RELN: variants seen among roughly 807,000 people sequenced by gnomAD.
RELN encodes the protein reelin.
A neutral mutation model predicts 427.6 loss-of-function variants in RELN; 108 were observed. The ratio of observed to expected loss-of-function variants is 0.25; its 90% CI spans 0.22 to 0.30. The LOEUF (loss-of-function observed/expected upper bound fraction) is 0.30. RELN is among the 10% of genes least tolerant of loss of function. RELN has a pLI of 1.00. For synonymous variants in RELN, 1,524 were observed against 1,513.4 expected, an observed-to-expected ratio of 1.01 and a Z score of -0.16; for missense variants, 3,715 against 4,302.8, an observed-to-expected ratio of 0.86 and a Z score of 3.82.
chr7:103,733,865 C>T (rs1291032416), intron 6 of RELN, among the ~76,000 whole-genome samples: 1 of 151,642 alleles, frequency 6.6e-6, no homozygotes, highest in Non-Finnish European at 1.5e-5. Flanking sequence ...GGGTGCAGCG[C>T]ACCAGCATGG....
intron 7 of RELN, among the ~76,000 whole-genome samples, chr7:103,727,904 C>T (rs899854518): frequency 7.4e-5 from 11 of 149,200 alleles, no homozygotes; most frequent in African/African-American, 2.4e-4. Flanking sequence ...TCCATTGATG[C>T]TGACAATTTT....
intron 2 of RELN, among the ~76,000 whole-genome samples, chr7:103,909,956 T>C (rs1360751729): frequency 7.0e-6 from 1 of 143,404 alleles, no homozygotes; most frequent in Non-Finnish European, 1.5e-5. Context: ...CAGAAAGTCA[T>C]TGGTAGCTTG....
At chr7:103,916,218 C>G (rs1295250279) in intron 2 of RELN, among the ~76,000 whole-genome samples, 1 of 151,986 alleles carries the variant, frequency 6.6e-6, no homozygotes, top group Non-Finnish European at 1.5e-5. Context: ...CTTCATATAT[C>G]AAAAGGAGGT....
intron 14 of RELN, among the ~76,000 whole-genome samples, chr7:103,652,014 A>G (rs1372438450): frequency 1.3e-5 from 2 of 152,070 alleles, no homozygotes; most frequent in African/African-American, 2.4e-5. Flanking sequence ...TGTTTCAAAG[A>G]CAACAAATGG....
At chr7:103,529,220 A>G (rs1829888217) in intron 46 of RELN, among the ~76,000 whole-genome samples, 1 of 152,050 alleles carries the variant, frequency 6.6e-6, no homozygotes, top group Admixed American at 6.5e-5. Flanking sequence ...TTCCTTTCAC[A>G]ATGTTGCCAT....
chr7:103,730,827 C>T (rs887186682), intron 6 of RELN, among the ~76,000 whole-genome samples: 1 of 152,068 alleles, frequency 6.6e-6, no homozygotes, highest in African/African-American at 2.4e-5. Flanking sequence ...TTAATTTACC[C>T]TGAATGCCCA....
chr7:103,702,879 T>C (rs573290931), intron 8 of RELN, among the ~76,000 whole-genome samples: 1 of 152,314 alleles, frequency 6.6e-6, no homozygotes, highest in East Asian at 1.9e-4. Context: ...GTTACCTCTG[T>C]GCTTATAACA....
At chr7:103,804,147 T>C (rs184884303) in intron 3 of RELN, among the ~76,000 whole-genome samples, 46 of 152,258 alleles carry the variant, frequency 3.0e-4, no homozygotes, top group Non-Finnish European at 2.6e-4. Flanking sequence ...AAATTATTCA[T>C]ATCTTTAATC....
At chr7:103,775,145 A>G (rs1791706614) in intron 4 of RELN, among the ~76,000 whole-genome samples, 1 of 152,208 alleles carries the variant, frequency 6.6e-6, no homozygotes, top group African/African-American at 2.4e-5. Context: ...TAAATTTTCC[A>G]GGATATTAAT....
At chr7:103,515,084 G>T in intron 50 of RELN, 101 bp downstream of exon 50, 3 of 1,440,564 alleles carry the variant, frequency 2.1e-6, no homozygotes, top group Non-Finnish European at 1.9e-6. Context: ...TACACCACTG[G>T]AACATCTGAA....
chr7:103,825,875 G>T (rs1793125637), intron 3 of RELN, among the ~76,000 whole-genome samples: 1 of 152,088 alleles, frequency 6.6e-6, no homozygotes, highest in Non-Finnish European at 1.5e-5. Flanking sequence ...TAGAATGTGT[G>T]TATGTGTGTG....
intron 1 of RELN, among the ~76,000 whole-genome samples, chr7:103,973,249 TAA>T (rs1283895084): frequency 6.6e-6 from 1 of 152,158 alleles, no homozygotes; most frequent in Non-Finnish European, 1.5e-5. Flanking sequence ...GTTACTGTAA[TAA>T]GAGAGAGTGT....
intron 2 of RELN, among the ~76,000 whole-genome samples, chr7:103,900,120 G>A (rs1795051321): frequency 1.3e-5 from 2 of 152,086 alleles, no homozygotes; most frequent in South Asian, 2.1e-4. Flanking sequence ...CAAAATCAAC[G>A]TGCAAAAATC....
chr7:103,837,747 G>C (rs1793444411), intron 2 of RELN, among the ~76,000 whole-genome samples: 1 of 152,150 alleles, frequency 6.6e-6, no homozygotes, highest in South Asian at 2.1e-4. Flanking sequence ...TGTGGCATCA[G>C]AGCAGTTCAT....
In RELN at chr7:103,824,134, C is replaced by G. The variant is rs1402801175; in HGVS notation, c.473+9403G>C. Among the ~76,000 whole-genome samples, 1 of 151,946 alleles carries G rather than the reference C, an allele frequency of 6.6e-6. No homozygotes were observed. The highest frequency in any genetic ancestry group is 1.5e-5 in the Non-Finnish European group (1 of 67,968). On this transcript the variant is annotated intron_variant, in intron 3 of 64. Transcript: ENST00000428762. This position sits in a 1 kb window ranked among gnomAD's most constrained non-coding sequence, Gnocchi z 4.4. ...ATCAGTACTAATTTATTTTATTTAT[C>G]TTGCTTAGATAGAAAACACACACAT... is the stretch of plus-strand genomic sequence containing the variant.
rs1280272450 is a variant in RELN, at chr7:103,682,279, G to C, written c.1144-18C>G. ...CAGCTATGCTGTAGGTGAAAAGAGA[G>C]CACGGGGTGGCTGTTGAATTGGTGT... On this transcript the variant is annotated intron_variant, in intron 10 of 64. Transcript: ENST00000428762. 1 of 1,613,746 alleles carries C rather than the reference G, an allele frequency of 6.2e-7. No homozygotes were observed. Among genetic ancestry groups the C allele is most frequent in the Non-Finnish European group, 8.5e-7 (1 of 1,179,724 alleles).
At chr7:103,664,696 T>C (rs1298614650) in intron 11 of RELN, among the ~76,000 whole-genome samples, 1 of 152,196 alleles carries the variant, frequency 6.6e-6, no homozygotes, top group Admixed American at 6.5e-5. Context: ...TGAAATTTTA[T>C]CTCAACTTTG....
chr7:103,564,888 C>A (rs1830714403), intron 34 of RELN, among the ~76,000 whole-genome samples: 2 of 151,954 alleles, frequency 1.3e-5, no homozygotes, highest in Admixed American at 6.6e-5. Flanking sequence ...CCAAAGGAAC[C>A]AACCTTTTGT....
chr7:103,885,561 C>T (rs536507226), intron 2 of RELN, among the ~76,000 whole-genome samples: 195 of 152,030 alleles, frequency 1.3e-3, no homozygotes, highest in Middle Eastern at 6.8e-3. Flanking sequence ...ACACAAGGAA[C>T]GGAACATCAC....
Sources: allele counts gnomAD v4.1 joint callset (sites outside exome capture counted in the v4.1 genomes callset), GRCh38; gene constraint gnomAD v4.1.1; non-coding constraint Gnocchi (gnomAD v3.1); transcripts MANE v1.5; gene names NCBI Gene and HGNC (gene_info 2026-07-23, HGNC 2026-07-21).